The following CPNE4 variants were observed in gnomAD, a reference collection of about 807,000 sequenced individuals.
CPNE4 encodes the protein copine 4.
CPNE4 carries 25 observed loss-of-function variants against 67.9 expected under a neutral mutation model. The ratio of observed to expected loss-of-function variants is 0.37; its 90% CI spans 0.27 to 0.51. The LOEUF (loss-of-function observed/expected upper bound fraction) is 0.51. Among genes scored for constraint, CPNE4 ranks in the 20% least tolerant of loss-of-function variants. The probability of loss-of-function intolerance (pLI) is 0.93; values close to 1 mark genes in which losing one functional copy is unlikely to be tolerated. For missense variants in CPNE4, 464 were observed against 690.8 expected (o/e 0.67, Z 3.68); for synonymous variants, 242 against 244.9 (o/e 0.99, Z 0.11).
intron 1 of CPNE4, among the ~76,000 whole-genome samples, chr3:131,951,807 C>T (rs2071734801): frequency 1.3e-5 from 2 of 152,104 alleles, no homozygotes; most frequent in African/African-American, 4.8e-5. Flanking sequence ...GCGAGTGATC[C>T]GCCAGCCTCG....
rs150109697 is a variant in CPNE4 at position 131,812,009 on chromosome 3, G to A, written c.181-88384C>T. Among the ~76,000 whole-genome samples, 565 of 152,138 alleles carry A rather than the reference G, an allele frequency of 3.7e-3. 5 individuals are homozygous for A. The highest frequency in any genetic ancestry group is 0.012 in the African/African-American group (516 of 41,524). On this transcript the variant is annotated intron_variant, in intron 2 of 15. Coordinates refer to ENST00000429747, the MANE Select transcript of CPNE4 (RefSeq NM_130808.3). ...ATATTTAAGTATAGGAGAGTGCGCC[G>A]TCCATGAAGGAGGGCTTGGAAATCA...
chr3:131,863,837 A>G (rs1234403114), intron 2 of CPNE4, among the ~76,000 whole-genome samples: 1 of 152,178 alleles, frequency 6.6e-6, no homozygotes, highest in African/African-American at 2.4e-5. Context: ...TTATGGTTTT[A>G]GGTCTGACAT....
At chr3:131,753,315 T>TA (rs565199727) in intron 2 of CPNE4, among the ~76,000 whole-genome samples, 3 of 151,780 alleles carry the variant, frequency 2.0e-5, no homozygotes, top group Non-Finnish European at 4.4e-5. Context: ...AGTAAAACAA[T>TA]AAAAAAAATT....
chr3:131,796,221 A>G (rs2083913815), intron 2 of CPNE4, among the ~76,000 whole-genome samples: 1 of 152,036 alleles, frequency 6.6e-6, no homozygotes, highest in Non-Finnish European at 1.5e-5. Flanking sequence ...TATTTGAATC[A>G]TAGCCATCTT....
intron 2 of CPNE4, among the ~76,000 whole-genome samples, chr3:131,734,047 G>A (rs771396013): frequency 1.5e-4 from 23 of 152,188 alleles, no homozygotes; most frequent in East Asian, 7.7e-4. Context: ...CAGCTTCCTC[G>A]GGTTCCAACT....
intron 3 of CPNE4, 77 bp from the exon 4 acceptor site, chr3:131,700,057 T>C (rs1416418296): frequency 4.1e-6 from 1 of 243,038 alleles, no homozygotes; most frequent in Non-Finnish European, 6.6e-6. Context: ...TTTAAACCTT[T>C]TTTTTTTTTT....
chr3:131,727,527 C>T (rs988863545), intron 2 of CPNE4, among the ~76,000 whole-genome samples: 8 of 151,980 alleles, frequency 5.3e-5, no homozygotes, highest in Admixed American at 5.2e-4. Flanking sequence ...TAACAACTAA[C>T]ACTTTTGGAA....
chr3:131,857,136 A>G (rs1338714556), intron 2 of CPNE4, among the ~76,000 whole-genome samples: 2 of 152,034 alleles, frequency 1.3e-5, no homozygotes, highest in African/African-American at 2.4e-5. Context: ...ATGTTCTTCT[A>G]TCCTTCTCAT....
chr3:131,843,980 G>C (rs1248380834), intron 2 of CPNE4, among the ~76,000 whole-genome samples: 2 of 152,154 alleles, frequency 1.3e-5, no homozygotes, highest in East Asian at 3.8e-4. Context: ...CTTGGATAGA[G>C]CTGCTAGAAG....
In CPNE4 at chr3:132,019,611, TA is replaced by T. The variant is rs374571473; in HGVS notation, c.-2+14955del. Among the ~76,000 whole-genome samples the T allele has an allele frequency of 3.3e-5, 5 of 151,830 alleles. No individual in the cohort carries two copies. In the South Asian group the frequency reaches 6.3e-4, roughly 19 times the overall value. On this transcript the variant is annotated intron_variant, in intron 1 of 15. Coordinates refer to ENST00000429747, the MANE Select transcript of CPNE4 (RefSeq NM_130808.3). Reference sequence around the variant, plus strand: ...AAAACAGAATAATAAAGGCAACTGATAAAAAAAAATTCAGCATTCAGGAAAA... The same window carrying T: ...AAAACAGAATAATAAAGGCAACTGATAAAAAAAATTCAGCATTCAGGAAAA...
chr3:131,913,606 T>C (rs1190328073), intron 1 of CPNE4, among the ~76,000 whole-genome samples: 5 of 152,200 alleles, frequency 3.3e-5, no homozygotes, highest in South Asian at 2.1e-4. Context: ...CTTGGCCCTC[T>C]ACCAAGTATA....
intron 4 of CPNE4, among the ~76,000 whole-genome samples, chr3:131,699,206 T>C (rs561922925): frequency 6.6e-6 from 1 of 152,364 alleles, no homozygotes; most frequent in East Asian, 1.9e-4. Context: ...GAAATACTTC[T>C]AGCATTACCC....
intron 1 of CPNE4, among the ~76,000 whole-genome samples, chr3:131,939,164 C>T (rs1560636104): frequency 6.6e-6 from 1 of 152,012 alleles, no homozygotes; most frequent in Non-Finnish European, 1.5e-5. Context: ...TTCATCACAG[C>T]AATATTTGAA....
chr3:131,983,624 A>T (rs898938373), intron 1 of CPNE4, among the ~76,000 whole-genome samples: 1 of 152,186 alleles, frequency 6.6e-6, no homozygotes, highest in Admixed American at 6.5e-5. Flanking sequence ...GGGCAAAGAC[A>T]TATTTCACTC....
At chr3:131,737,460 G>C (rs866571379) in intron 2 of CPNE4, among the ~76,000 whole-genome samples, 1 of 152,080 alleles carries the variant, frequency 6.6e-6, no homozygotes, top group Non-Finnish European at 1.5e-5. Context: ...CCTTCATAAG[G>C]TGAAAGAACT....
intron 1 of CPNE4, among the ~76,000 whole-genome samples, chr3:131,909,230 C>A (rs2088885156): frequency 6.6e-6 from 1 of 152,174 alleles, no homozygotes. Context: ...GGTGACAGCT[C>A]TTCTAATATT....
Position 131,868,621 on chromosome 3 carries a change from C to T in CPNE4, c.180+36643G>A, listed in dbSNP as rs537816880. ...ACTGACACAATTATAGAAATTATTA[C>T]TTTTATTTTACAGATTTAATAATTT... On this transcript the variant is annotated intron_variant, in intron 2 of 15. Transcript: ENST00000429747. 2.2e-3 allele frequency among the ~76,000 whole-genome samples: 338 copies of T among 152,258 alleles called. 1 individual carries two copies. The highest frequency in any genetic ancestry group is 3.8e-3 in the Non-Finnish European group (256 of 68,018).
intron 7 of CPNE4, among the ~76,000 whole-genome samples, chr3:131,631,583 A>C (rs1457555470): frequency 6.6e-6 from 1 of 152,232 alleles, no homozygotes; most frequent in African/African-American, 2.4e-5. Flanking sequence ...CCTTATACGG[A>C]AAACCGGAAA....
chr3:131,926,371 C>T (rs2070895646), intron 1 of CPNE4, among the ~76,000 whole-genome samples: 1 of 152,036 alleles, frequency 6.6e-6, no homozygotes. Context: ...CTAGAACCGA[C>T]ACACTAAGAA....
Sources: gnomAD v4.1 joint callset for allele counts (sites outside exome capture counted in the v4.1 genomes callset) on GRCh38, gnomAD v4.1.1 for gene constraint, MANE v1.5 for transcripts, NCBI Gene and HGNC (gene_info 2026-07-23, HGNC 2026-07-21) for gene names.